Variants in CDCA2 observed in about 807,000 individuals in gnomAD.
CDCA2 encodes cell division cycle-associated protein 2.
CDCA2 carries 44 observed loss-of-function variants against 67.0 expected under a neutral mutation model. That is an observed-to-expected ratio of 0.66 (90% confidence interval 0.52 to 0.84). The LOEUF (loss-of-function observed/expected upper bound fraction) is 0.84, where lower values mean the gene tolerates loss of function less well. Among genes scored for constraint, CDCA2 ranks in the 40% least tolerant of loss-of-function variants. The probability of loss-of-function intolerance (pLI) is 0.00; values close to 1 mark genes in which losing one functional copy is unlikely to be tolerated. For missense variants in CDCA2, 1,253 were observed against 1,203.2 expected (o/e 1.04, Z -0.61); for synonymous variants, 447 against 418.7 (o/e 1.07, Z -0.82).
At chr8:25,495,047 AT>A (rs1355397602) in intron 13 of CDCA2, among the ~76,000 whole-genome samples, 1 of 152,208 alleles carries the variant, frequency 6.6e-6, no homozygotes, top group African/African-American at 2.4e-5. Context: ...AGTTTGTGAC[AT>A]TTTATTACAG....
At chr8:25,489,701 G>C (rs552073756) in intron 13 of CDCA2, among the ~76,000 whole-genome samples, 1 of 152,132 alleles carries the variant, frequency 6.6e-6, no homozygotes, top group Admixed American at 6.5e-5. Flanking sequence ...TGACATGATG[G>C]AACACTCCTG....
At chr8:25,462,032 T>G (rs779273138) in intron 3 of CDCA2, 22 bp from the exon 4 acceptor site, 1 of 1,608,326 alleles carries the variant, frequency 6.2e-7, no homozygotes, top group Non-Finnish European at 8.5e-7. Context: ...TTGTTCCAAT[T>G]TATAAGAGAG....
Position 25,503,540 on chromosome 8 carries a change from TTC to T in CDCA2, c.1840_1841del (p.Ser614ArgfsTer16). On this transcript the variant is annotated frameshift_variant and splice_region_variant, in exon 14 of 15. Transcript: ENST00000330560. LOFTEE classifies it low-confidence loss of function (END_TRUNC). ...PSIPSIRRLG[S>X]GYFSSNGKLE... ...CCATTCCGAGCATCCGAAGACTGGG[TTC>T]AGGTATCCTGACATTTTCCTGGTAG... is the stretch of plus-strand genomic sequence containing the variant. The T allele has an allele frequency of 1.3e-6, 2 of 1,598,198 alleles. No individual in the cohort carries two copies. The highest frequency in any genetic ancestry group is 1.7e-6 in the Non-Finnish European group (2 of 1,175,288).
chr8:25,481,927 G>A (rs2117512692), intron 8 of CDCA2, among the ~76,000 whole-genome samples: 1 of 152,254 alleles, frequency 6.6e-6, no homozygotes, highest in East Asian at 1.9e-4. Flanking sequence ...ATTTGTTTGG[G>A]GCAGGACTAT....
At chr8:25,493,011 G>A (rs951091410) in intron 13 of CDCA2, among the ~76,000 whole-genome samples, 1 of 152,154 alleles carries the variant, frequency 6.6e-6, no homozygotes, top group African/African-American at 2.4e-5. Flanking sequence ...TAAAACAGTG[G>A]TGGAAATGGA....
At chr8:25,463,996 G>A (rs375871851) in intron 4 of CDCA2, among the ~76,000 whole-genome samples, 2 of 152,150 alleles carry the variant, frequency 1.3e-5, no homozygotes, top group South Asian at 2.1e-4. Flanking sequence ...TAAAGATAGA[G>A]GTCTGTCCTG....
At chr8:25,495,875 T>C (rs886600048) in intron 13 of CDCA2, among the ~76,000 whole-genome samples, 6 of 152,206 alleles carry the variant, frequency 3.9e-5, no homozygotes, top group African/African-American at 1.2e-4. Flanking sequence ...AAAAGATATA[T>C]TTTTAAATCC....
At chr8:25,462,401 C>G (rs1052455803) in intron 4 of CDCA2, among the ~76,000 whole-genome samples, 193 bp downstream of exon 4, 1 of 152,070 alleles carries the variant, frequency 6.6e-6, no homozygotes, top group African/African-American at 2.4e-5. Flanking sequence ...CTGAGGCAGG[C>G]AGATCATTTG....
chr8:25,472,745 G>A (rs1586479134), intron 7 of CDCA2, among the ~76,000 whole-genome samples: 1 of 146,824 alleles, frequency 6.8e-6, no homozygotes, highest in African/African-American at 2.4e-5. Flanking sequence ...AACCATAACT[G>A]TATATATTTA....
rs570547861 is a variant in CDCA2 at position 25,462,605 on chromosome 8, G to A, written c.387+397G>A. Among the ~76,000 whole-genome samples, 286 of 150,846 alleles carry A rather than the reference G, an allele frequency of 1.9e-3. 3 individuals carry two copies. Among genetic ancestry groups the A allele is most frequent in the Admixed American group, 1.9e-3 (29 of 15,134 alleles). On this transcript the variant is annotated intron_variant, in intron 4 of 14. Coordinates refer to ENST00000330560, the MANE Select transcript of CDCA2 (RefSeq NM_152562.4). ...CATGCCACTATGTTCCAGTCTGGGCGACAGAGTGAGACTGTCTCAAAAAAA... is the reference window on the plus strand; with the variant it reads ...CATGCCACTATGTTCCAGTCTGGGCAACAGAGTGAGACTGTCTCAAAAAAA...
Position 25,468,335 on chromosome 8 carries a change from A to G in CDCA2, c.657A>G (p.Gly219=). The change falls in exon 6 of 15, where the codon GGA becomes GGG. Residue 219 remains glycine (G), a synonymous_variant. Transcript: ENST00000330560. ...DSDENLTDAE[G]KVIGLQIFNI... is the part of the protein sequence containing the mutation. ...ATGAAAATCTGACGGATGCTGAAGGAAAAGTAATTGGTCTCCAGATATTCA... is the reference window on the plus strand; with the variant it reads ...ATGAAAATCTGACGGATGCTGAAGGGAAAGTAATTGGTCTCCAGATATTCA... 1 of 1,613,916 alleles carries G rather than the reference A, an allele frequency of 6.2e-7. No homozygotes were observed. Among genetic ancestry groups the G allele is most frequent in the South Asian group, 1.1e-5 (1 of 91,070 alleles).
chr8:25,501,500 G>A (rs965148602), intron 13 of CDCA2, among the ~76,000 whole-genome samples: 1 of 152,204 alleles, frequency 6.6e-6, no homozygotes, highest in Non-Finnish European at 1.5e-5. Flanking sequence ...TCCACGGGCC[G>A]GGCCATGTCT....
At chr8:25,502,763 A>G (rs1363557543) in intron 13 of CDCA2, among the ~76,000 whole-genome samples, 1 of 151,702 alleles carries the variant, frequency 6.6e-6, no homozygotes, top group East Asian at 1.9e-4. Context: ...AAAGCATCTT[A>G]TATATTTTTT....
At chr8:25,469,200 A>T (rs1254023338) in intron 6 of CDCA2, among the ~76,000 whole-genome samples, 2 of 152,144 alleles carry the variant, frequency 1.3e-5, no homozygotes, top group Non-Finnish European at 2.9e-5. Context: ...TTTCTCTGTC[A>T]CTTAGATCCA....
In CDCA2 at chr8:25,507,007, C is replaced by A. The variant is rs372951406; in HGVS notation, c.2341C>A (p.Arg781Ser). Residue 781 changes from arginine to serine, a missense_variant, in exon 15 of 15, where the codon CGT becomes AGT. Physicochemically the swap from Arg to Ser is moderately radical, Grantham distance 110. Transcript: ENST00000330560. ...GAAEGKLQCN[R>S]LMPNSQKDCH... ...TGCAGAAGGAAAACTGCAATGCAAT[C>A]GTTTAATGCCTAATTCACAAAAAGA... 5.6e-6 allele frequency: 9 copies of A among 1,613,904 alleles called. No individual in the cohort carries two copies. In the African/African-American group the frequency reaches 1.1e-4, roughly 19 times the overall value.
chr8:25,474,799 G>T (rs557587191), intron 7 of CDCA2, among the ~76,000 whole-genome samples: 1 of 152,298 alleles, frequency 6.6e-6, no homozygotes, highest in East Asian at 1.9e-4. Flanking sequence ...CTCTGAGTCT[G>T]CTTGAGGTTG....
chr8:25,499,789 T>C (rs1804398871), intron 13 of CDCA2, among the ~76,000 whole-genome samples: 2 of 152,230 alleles, frequency 1.3e-5, no homozygotes, highest in African/African-American at 4.8e-5. Flanking sequence ...AGTTGTTCTT[T>C]GGCGATTCTA....
At chr8:25,474,445 A>G (rs192244108) in intron 7 of CDCA2, among the ~76,000 whole-genome samples, 21 of 152,272 alleles carry the variant, frequency 1.4e-4, no homozygotes, top group African/African-American at 5.1e-4. Flanking sequence ...TTACTAATTC[A>G]GTCGTCTTCT....
At chr8:25,480,902 T>C (rs940239729) in intron 8 of CDCA2, among the ~76,000 whole-genome samples, 11 of 152,208 alleles carry the variant, frequency 7.2e-5, no homozygotes, top group Non-Finnish European at 1.5e-4. Flanking sequence ...TAACTACTTT[T>C]AGAGTAATTT....
Sources: allele counts gnomAD v4.1 joint callset (sites outside exome capture counted in the v4.1 genomes callset), GRCh38; gene constraint gnomAD v4.1.1; transcripts MANE v1.5; gene names NCBI Gene and HGNC (gene_info 2026-07-23, HGNC 2026-07-21).